Variants in CTNNA3 observed in about 807,000 individuals in gnomAD.
CTNNA3 encodes catenin alpha 3.
Under a neutral mutation model 95.7 loss-of-function variants are expected in CTNNA3, and 76 were observed. The observed-to-expected ratio is 0.79, with a 90% CI of 0.66 to 0.96. The LOEUF (loss-of-function observed/expected upper bound fraction) is 0.96, where lower values mean the gene tolerates loss of function less well. Ranked by LOEUF, CTNNA3 falls within the 40% of genes least tolerant of loss-of-function variation. The pLI, the probability that CTNNA3 is intolerant of heterozygous loss-of-function variation, is 0.00. For missense variants in CTNNA3, 1,191 were observed against 1,089.8 expected (o/e 1.09, Z -1.31); for synonymous variants, 431 against 374.4 (o/e 1.15, Z -1.74).
intron 11 of CTNNA3, among the ~76,000 whole-genome samples, chr10:66,427,763 G>A (rs1309379876): frequency 6.6e-6 from 1 of 151,948 alleles, no homozygotes; most frequent in African/African-American, 2.4e-5. Flanking sequence ...TACTAAATAT[G>A]GAAAGGAACA....
At chr10:67,045,105 T>C (rs1424685885) in intron 7 of CTNNA3, among the ~76,000 whole-genome samples, 1 of 152,208 alleles carries the variant, frequency 6.6e-6, no homozygotes, top group African/African-American at 2.4e-5. Context: ...GACTACCAGA[T>C]ACGTGATGCT....
chr10:66,594,920 G>T (rs1439709620), intron 10 of CTNNA3, among the ~76,000 whole-genome samples: 1 of 152,014 alleles, frequency 6.6e-6, no homozygotes, highest in Non-Finnish European at 1.5e-5. Context: ...GATTAAATGA[G>T]TTAATATATA....
chr10:67,509,186 T>A (rs895855040), intron 5 of CTNNA3, among the ~76,000 whole-genome samples: 1 of 148,818 alleles, frequency 6.7e-6, no homozygotes, highest in Non-Finnish European at 1.5e-5. Context: ...TAAATAGACA[T>A]GTTTCTTTTT....
At chr10:67,673,805 GTTA>G (rs1164678419) in intron 1 of CTNNA3, among the ~76,000 whole-genome samples, 1 of 132,732 alleles carries the variant, frequency 7.5e-6, no homozygotes, top group African/African-American at 2.8e-5. Flanking sequence ...ACGGACGTCC[GTTA>G]TTAACTTCTT....
At chr10:66,957,095 C>T (rs1220293140) in intron 7 of CTNNA3, among the ~76,000 whole-genome samples, 1 of 152,100 alleles carries the variant, frequency 6.6e-6, no homozygotes, top group African/African-American at 2.4e-5. Context: ...TCACACATTT[C>T]CTGACAAACC....
At chr10:67,691,125 C>T (rs1232106519) in intron 1 of CTNNA3, among the ~76,000 whole-genome samples, 1 of 152,230 alleles carries the variant, frequency 6.6e-6, no homozygotes, top group African/African-American at 2.4e-5. Context: ...AGCTCCCAAC[C>T]ACGAGTGATC....
intron 11 of CTNNA3, among the ~76,000 whole-genome samples, chr10:66,407,836 C>A (rs909369443): frequency 6.6e-6 from 1 of 152,204 alleles, no homozygotes; most frequent in African/African-American, 2.4e-5. Context: ...GCCCTGGCCT[C>A]CCAAAGTGCT....
intron 1 of CTNNA3, chr10:67,750,644 AT>A: frequency 7.1e-6 from 11 of 1,547,692 alleles, no homozygotes; most frequent in East Asian, 2.2e-5. Flanking sequence ...TCTGGGGATG[AT>A]TTTTTCCGCA....
intron 15 of CTNNA3, among the ~76,000 whole-genome samples, chr10:65,997,077 C>A (rs942958417): frequency 1.3e-5 from 2 of 151,956 alleles, no homozygotes; most frequent in South Asian, 4.1e-4. Context: ...ATGGAAAGTC[C>A]AAGCCTAAGA....
intron 5 of CTNNA3, among the ~76,000 whole-genome samples, chr10:67,287,734 A>G (rs1839666288): frequency 6.6e-6 from 1 of 152,236 alleles, no homozygotes; most frequent in African/African-American, 2.4e-5. Context: ...GGATATTTGG[A>G]AACAGACTAC....
chr10:66,063,320 AAT>A (rs60277919), intron 15 of CTNNA3, among the ~76,000 whole-genome samples: 34,552 of 130,170 alleles, frequency 0.27, 4,142 homozygotes, highest in Admixed American at 0.29. Flanking sequence ...ATATATATAT[AAT>A]ATATATATAT....
intron 10 of CTNNA3, among the ~76,000 whole-genome samples, chr10:66,533,712 C>G (rs1248862901): frequency 1.3e-5 from 2 of 152,086 alleles, no homozygotes; most frequent in African/African-American, 2.4e-5. Flanking sequence ...TTATTAAAGG[C>G]TTTTCCCAAG....
chr10:66,511,948 G>C (rs1425473965), intron 11 of CTNNA3, among the ~76,000 whole-genome samples: 3 of 151,852 alleles, frequency 2.0e-5, no homozygotes, highest in African/African-American at 7.2e-5. Flanking sequence ...GTGCAATGCT[G>C]AGGGTGAGGA....
intron 4 of CTNNA3, among the ~76,000 whole-genome samples, chr10:67,536,294 A>C (rs2133195269): frequency 6.6e-6 from 1 of 152,224 alleles, no homozygotes; most frequent in Middle Eastern, 3.4e-3. Flanking sequence ...TTGCTCCAGA[A>C]AGCAAAACTA....
intron 9 of CTNNA3, among the ~76,000 whole-genome samples, chr10:66,745,894 C>T (rs1306542249): frequency 2.0e-5 from 3 of 151,952 alleles, no homozygotes; most frequent in Non-Finnish European, 4.4e-5. Context: ...CCACAGCGCC[C>T]GGCCCACAGA....
At position 65,988,740 on chromosome 10, in the gene CTNNA3, T is replaced by A. The variant is rs778040551; in HGVS notation, c.2217A>T (p.Ser739=). The change falls in exon 16 of 18, where the codon TCA becomes TCT. Residue 739 remains serine, a synonymous_variant. Coordinates refer to ENST00000433211, the MANE Select transcript of CTNNA3 (RefSeq NM_013266.4). The part of the protein sequence containing the change: ...TDVIYAAKMI[S]ESGSRMDVLA... ...GGACATCCATCCTTGATCCTGATTC[T>A]GATATCATTTTCGCTGCATAGATCA... 4.3e-5 allele frequency: 70 copies of A among 1,613,994 alleles called. No homozygotes were observed. Among genetic ancestry groups the A allele is most frequent in the Non-Finnish European group, 5.9e-5 (70 of 1,179,992 alleles).
At chr10:67,428,422 T>C (rs954133120) in intron 5 of CTNNA3, among the ~76,000 whole-genome samples, 1 of 152,024 alleles carries the variant, frequency 6.6e-6, no homozygotes, top group Non-Finnish European at 1.5e-5. Flanking sequence ...ATTAGAGAGA[T>C]GTAAATTAAT....
intron 3 of CTNNA3, among the ~76,000 whole-genome samples, chr10:67,553,054 T>A (rs1301249929): frequency 1.3e-5 from 2 of 152,154 alleles, no homozygotes; most frequent in Non-Finnish European, 2.9e-5. Context: ...TTTTCACTGA[T>A]TTGGGGGCAC....
At chr10:67,447,546 C>T (rs1811718835) in intron 5 of CTNNA3, among the ~76,000 whole-genome samples, 1 of 152,112 alleles carries the variant, frequency 6.6e-6, no homozygotes, top group African/African-American at 2.4e-5. Context: ...TGCACATATC[C>T]CCTCAGTCTA....
Sources: gnomAD v4.1 joint callset for allele counts (sites outside exome capture counted in the v4.1 genomes callset) on GRCh38, gnomAD v4.1.1 for gene constraint, MANE v1.5 for transcripts, NCBI Gene and HGNC (gene_info 2026-07-23, HGNC 2026-07-21) for gene names.